The following SLC2A11 variants were observed in gnomAD, a reference collection of about 807,000 sequenced individuals.
SLC2A11 encodes solute carrier family 2, facilitated glucose transporter member 11.
Under a neutral mutation model 52.1 loss-of-function variants are expected in SLC2A11, and 43 were observed. That is an observed-to-expected ratio of 0.82 (90% CI 0.65 to 1.06). The LOEUF is 1.06. SLC2A11 is among the 50% of genes least tolerant of loss of function. The pLI is 0.00. For synonymous variants in SLC2A11, 261 were observed against 277.6 expected, an observed-to-expected ratio of 0.94 and a Z score of 0.59; for missense variants, 582 against 654.2, an observed-to-expected ratio of 0.89 and a Z score of 1.20.
chr22:23,868,187 T>C (rs1306065367), intron 2 of SLC2A11: 4 of 458,512 alleles, frequency 8.7e-6, no homozygotes. Context: ...ACATTTGCTG[T>C]CAGGAGTATT....
At chr22:23,878,901 C>G (rs749366091) in intron 6 of SLC2A11, among the ~76,000 whole-genome samples, 1 of 152,182 alleles carries the variant, frequency 6.6e-6, no homozygotes, top group Admixed American at 6.5e-5. Context: ...TTCTTCCCTT[C>G]CCACACTCAG....
intron 4 of SLC2A11, among the ~76,000 whole-genome samples, chr22:23,876,483 C>A (rs903613422): frequency 6.6e-6 from 1 of 152,146 alleles, no homozygotes; most frequent in Non-Finnish European, 1.5e-5. Flanking sequence ...CGTGACACCA[C>A]AACACAGTGG....
intron 3 of SLC2A11, chr22:23,873,020 A>G (rs2032502966): frequency 6.6e-6 from 1 of 152,030 alleles, no homozygotes; most frequent in African/African-American, 2.4e-5. Flanking sequence ...GGCAGCTGCT[A>G]TATCCTTTTT....
Position 23,857,901 on chromosome 22 carries a change from T to C in SLC2A11, c.-99T>C. ...TCTTTCACCACTGGGCGCTGCGCGC[T>C]GCCCTTCCCTCCGCGCACAGGCTGC... is the stretch of plus-strand genomic sequence containing the variant. On this transcript the variant is annotated 5_prime_UTR_variant, in exon 1 of 12. Transcript: ENST00000316185. The C allele has an allele frequency of 1.9e-6, 3 of 1,571,914 alleles. No homozygotes were observed. Among genetic ancestry groups the C allele is most frequent in the Non-Finnish European group, 2.6e-6 (3 of 1,159,928 alleles).
chr22:23,857,499 G>T, upstream of SLC2A11: 1 of 1,613,794 alleles, frequency 6.2e-7, no homozygotes, highest in East Asian at 2.2e-5. Flanking sequence ...GATGGAGGAT[G>T]AACTGGAGCC....
chr22:23,874,346 G>T (rs1240528925), intron 3 of SLC2A11, among the ~76,000 whole-genome samples: 1 of 152,150 alleles, frequency 6.6e-6, no homozygotes, highest in East Asian at 1.9e-4. Context: ...GAGTGCAGTG[G>T]CGTGATCATG....
Position 23,858,015 on chromosome 22 carries a change from C to G in SLC2A11, c.16C>G (p.Leu6Val). The change falls in exon 1 of 12, where the codon CTG becomes GTG. Residue 6 changes from leucine to valine, a missense_variant. By Grantham distance (32) the Leu-to-Val change is conservative (BLOSUM62 1). Coordinates refer to ENST00000316185, the MANE Select transcript of SLC2A11 (RefSeq NM_001024939.4). Reference sequence around the variant, plus strand: ...CCTCTTTCGAATGCTCCACGCCCTCCTGCGATCTAGAATGGTATGAATTCT... The same window carrying G: ...CCTCTTTCGAATGCTCCACGCCCTCGTGCGATCTAGAATGGTATGAATTCT... MLHAL[L>V]RSRMIQGRIL... The G allele has an allele frequency of 6.3e-7, 1 of 1,578,356 alleles. No individual in the cohort carries two copies. Among genetic ancestry groups the G allele is most frequent in the African/African-American group, 1.4e-5 (1 of 73,890 alleles).
intron 2 of SLC2A11, among the ~76,000 whole-genome samples, chr22:23,864,832 G>A (rs2032199212): frequency 6.6e-6 from 1 of 152,058 alleles, no homozygotes; most frequent in African/African-American, 2.4e-5. Context: ...TTCAGGCTGG[G>A]CGTGGTGGCT....
At chr22:23,861,436 G>A (rs1251223594) in intron 1 of SLC2A11, among the ~76,000 whole-genome samples, 4 of 152,066 alleles carry the variant, frequency 2.6e-5, no homozygotes, top group Admixed American at 6.5e-5. Context: ...TGACTCATGG[G>A]TACCCAGCCT....
At position 23,886,125 on chromosome 22, in the gene SLC2A11, A is replaced by G. The variant is rs187448551; in HGVS notation, c.*1276A>G. 2.1e-4 allele frequency: 32 copies of G among 152,330 alleles called. No individual in the cohort carries two copies. Among genetic ancestry groups the G allele is most frequent in the African/African-American group, 7.5e-4 (31 of 41,566 alleles). The allele number at this position is 152,330 out of a possible 1,614,324, so 9.4% of individuals were successfully genotyped here. On this transcript the variant is annotated 3_prime_UTR_variant, in exon 12 of 12. Coordinates refer to ENST00000316185, the MANE Select transcript of SLC2A11 (RefSeq NM_001024939.4). ...ACACATTTGTGTCTGGCTTGGCTCC[A>G]GATAAAGTTTTTGGGATTCATGAAT...
At chr22:23,882,265 C>G (rs1325166310) in intron 6 of SLC2A11, 194 bp from the exon 7 acceptor site, 15 of 557,654 alleles carry the variant, frequency 2.7e-5, no homozygotes, top group South Asian at 2.5e-4. Context: ...CACACACACA[C>G]AGAGACACAC....
rs2032976282 is a variant in SLC2A11 at position 23,885,686 on chromosome 22, A to G, written c.*837A>G. ...GAGCCACTGCACTCCAGCCTGGACA[A>G]CAGAAAGAGACCATGTTTCAAAAAA... is the stretch of plus-strand genomic sequence containing the variant. On this transcript the variant is annotated 3_prime_UTR_variant, in exon 12 of 12. Transcript: ENST00000316185. 1 of 152,088 alleles carries G rather than the reference A, an allele frequency of 6.6e-6. No individual in the cohort carries two copies. The highest frequency in any genetic ancestry group is 2.4e-5 in the African/African-American group (1 of 41,390). 9.4% of individuals were successfully genotyped at this position (152,088 alleles called of 1,614,324 possible).
intron 1 of SLC2A11, among the ~76,000 whole-genome samples, chr22:23,859,480 T>C (rs2031975573): frequency 7.7e-6 from 1 of 129,588 alleles, no homozygotes; most frequent in South Asian, 2.6e-4. Context: ...CTGGCTGAGA[T>C]AAACATTCAG....
In SLC2A11 at chr22:23,877,778, C is replaced by T. The variant is rs372713508; in HGVS notation, c.603C>T (p.Pro201=). Residue 201 remains proline (P), a synonymous_variant, in exon 6 of 12, where the codon CCC becomes CCT. Transcript: ENST00000316185. ...TGCTGCTGGCCAGCTGCCTGGTGCC[C>T]GGGGCGCTCCAGCTCGCCTCCCTGC... ...WPLLLASCLV[P]GALQLASLPL... 2.7e-5 allele frequency: 43 copies of T among 1,607,930 alleles called. No homozygotes were observed. Among genetic ancestry groups the T allele is most frequent in the Admixed American group, 1.0e-4 (6 of 59,284 alleles).
chr22:23,857,641 C>G (rs561992813), upstream of SLC2A11: 3 of 1,155,926 alleles, frequency 2.6e-6, no homozygotes, highest in Admixed American at 6.5e-5. Flanking sequence ...CACCCCCAGC[C>G]CTTCTTAAAA....
At chr22:23,874,404 A>C (rs1033458806) in intron 3 of SLC2A11, among the ~76,000 whole-genome samples, 6 of 151,322 alleles carry the variant, frequency 4.0e-5, no homozygotes, top group Non-Finnish European at 5.9e-5. Context: ...CTCCCACCTC[A>C]GCCTCCTGAG....
Position 23,883,819 on chromosome 22 carries a change from G to A in SLC2A11, c.1041G>A (p.Gly347=). ...GTCGGCGCGTGCTGCTCATCGGTGG[G>A]TACAGCCTGATGACCTGCTGGGGGA... ...RVGRRVLLIG[G]YSLMTCWGSI... Residue 347 remains glycine, a synonymous_variant, in exon 9 of 12, where the codon GGG becomes GGA. Transcript: ENST00000316185. The A allele has an allele frequency of 6.3e-7, 1 of 1,583,970 alleles. No individual in the cohort carries two copies. Among genetic ancestry groups the A allele is most frequent in the South Asian group, 1.2e-5 (1 of 86,920 alleles).
chr22:23,877,920 C>A (rs376152419), intron 6 of SLC2A11, 51 bp downstream of exon 6: 8 of 1,567,376 alleles, frequency 5.1e-6, no homozygotes, highest in South Asian at 4.8e-5. Flanking sequence ...AGGGATGCAT[C>A]TCCCCAGAGT....
At position 23,869,821 on chromosome 22, in the gene SLC2A11, G is replaced by A. The variant is rs375593872; in HGVS notation, c.290+1180G>A. 7.5e-4 allele frequency: 436 copies of A among 581,416 alleles called. 2 individuals carry two copies. The highest frequency in any genetic ancestry group is 6.4e-3 in the East Asian group (220 of 34,486). 36.0% of individuals were successfully genotyped at this position (581,416 alleles called of 1,614,324 possible). A position where few individuals can be genotyped will look rare whatever the true frequency, so the allele number is the denominator to read the frequency against. Reference sequence around the variant, plus strand: ...GTGTACCGTGAGGGCTACTCTTTCTGCTTCCAAGATGGTGCCTTGTCCCTG... The same window carrying A: ...GTGTACCGTGAGGGCTACTCTTTCTACTTCCAAGATGGTGCCTTGTCCCTG... On this transcript the variant is annotated intron_variant, in intron 3 of 11. Transcript: ENST00000316185.
Sources: gnomAD v4.1 joint callset for allele counts (sites outside exome capture counted in the v4.1 genomes callset) on GRCh38, gnomAD v4.1.1 for gene constraint, MANE v1.5 for transcripts, NCBI Gene and HGNC (gene_info 2026-07-23, HGNC 2026-07-21) for gene names.